Variants in PDHA1 observed in about 807,000 individuals in gnomAD.
PDHA1 encodes the protein pyruvate dehydrogenase E1 subunit alpha 1, also known as pyruvate dehydrogenase E1 component subunit alpha, somatic form, mitochondrial.
A neutral mutation model predicts 33.0 loss-of-function variants in PDHA1; 1 was observed. The ratio of observed to expected loss-of-function variants is 0.03; its 90% CI spans 0.01 to 0.14. PDHA1 has a LOEUF of 0.14. PDHA1 is among the 10% of genes least tolerant of loss of function. The probability of loss-of-function intolerance (pLI) is 1.00; values close to 1 mark genes in which losing one functional copy is unlikely to be tolerated. For synonymous variants in PDHA1, 123 were observed against 119.2 expected, an observed-to-expected ratio of 1.03 and a Z score of -0.21; for missense variants, 168 against 325.1, an observed-to-expected ratio of 0.52 and a Z score of 3.72.
intron 4 of PDHA1, among the ~76,000 whole-genome samples, chrX:19,352,503 T>C (rs927040470): frequency 2.7e-5 from 3 of 112,632 alleles, no homozygotes; most frequent in African/African-American, 9.7e-5. Flanking sequence ...CCCAAAATGT[T>C]AGGATTACAG....
In PDHA1 at chrX:19,359,970, A is replaced by AT. The variant is rs2063258585; in HGVS notation, c.*318dup. 2.0e-5 allele frequency: 6 copies of AT among 305,130 alleles called. No homozygotes were observed. Among genetic ancestry groups the AT allele is most frequent in the African/African-American group, 1.6e-4 (6 of 36,705 alleles). 25.1% of individuals were successfully genotyped at this position (305,130 alleles called of 1,213,427 possible). ...GCCACCTTTTTGGGAGGAGACCATT[A>AT]TGGCGGGGCCCCTCACAGCATTCTA... On this transcript the variant is annotated 3_prime_UTR_variant, in exon 11 of 11. Coordinates refer to ENST00000422285, the MANE Select transcript of PDHA1 (RefSeq NM_000284.4).
intron 10 of PDHA1, 143 bp from the exon 11 acceptor site, chrX:19,359,346 T>A (rs2063240502): frequency 1.9e-6 from 1 of 540,346 alleles, no homozygotes. Flanking sequence ...CCTAGAAATC[T>A]GTATTCCAAA....
At chrX:19,356,897 T>C (rs774830212) in intron 8 of PDHA1, among the ~76,000 whole-genome samples, 1 of 112,090 alleles carries the variant, frequency 8.9e-6, no homozygotes, top group South Asian at 3.7e-4. Context: ...CACCCCAGTG[T>C]TCAGAGCCGT....
In PDHA1 at chrX:19,360,796, GGGAGACCGCACTCCAGAGTCTGCAGA is replaced by G. The variant is rs768004727; in HGVS notation, c.*1151_*1176del. 1.8e-5 allele frequency: 22 copies of G among 1,209,319 alleles called. No homozygotes were observed. In the East Asian group the frequency reaches 6.2e-4, roughly 34 times the overall value. Reference sequence around the variant, plus strand: ...GAGGCCTCCTGAGCCCTTCTGTACTGGGAGACCGCACTCCAGAGTCTGCAGAGGAGACCACCCCTGGGAAACAAACA... The same window carrying G: ...GAGGCCTCCTGAGCCCTTCTGTACTGGGAGACCACCCCTGGGAAACAAACA... On this transcript the variant is annotated 3_prime_UTR_variant, in exon 11 of 11. Transcript: ENST00000422285.
rs766362480 is a variant in PDHA1, at chrX:19,357,727, C to T, written c.899+8C>T. 4 of 1,186,528 alleles carry T rather than the reference C, an allele frequency of 3.4e-6. No individual in the cohort carries two copies. Among genetic ancestry groups the T allele is most frequent in the Non-Finnish European group, 4.6e-6 (4 of 873,704 alleles). ...GAGTGACCCTGGAGTCAGGTACGCT[C>T]ATGGGCAGTGTGGTTTCCATAGGGG... On this transcript the variant is annotated splice_region_variant and intron_variant, in intron 9 of 10. Coordinates refer to ENST00000422285, the MANE Select transcript of PDHA1 (RefSeq NM_000284.4).
intron 1 of PDHA1, among the ~76,000 whole-genome samples, chrX:19,347,390 C>T (rs1248472232): frequency 8.9e-6 from 1 of 112,662 alleles, no homozygotes; most frequent in Non-Finnish European, 1.9e-5. Context: ...GTTCCTTTCA[C>T]TCATATCAGT....
Position 19,360,067 on chromosome X carries a change from A to ACAATATTTATTAT in PDHA1, c.*417_*429dup, listed in dbSNP as rs1243704782. 6.3e-5 allele frequency: 12 copies of ACAATATTTATTAT among 189,914 alleles called. No individual in the cohort carries two copies. Among genetic ancestry groups the ACAATATTTATTAT allele is most frequent in the African/African-American group, 2.4e-4 (8 of 32,848 alleles). The allele number at this position is 189,914 out of a possible 1,213,427, so 15.7% of individuals were successfully genotyped here. A position where few individuals can be genotyped will look rare whatever the true frequency, so the allele number is the denominator to read the frequency against. ...CGCGCTGACCATTTCTCTACAAGAT[A>ACAATATTTATTAT]CAATATTTATTATCAGGCAAGAGGA... On this transcript the variant is annotated 3_prime_UTR_variant, in exon 11 of 11. Transcript: ENST00000422285.
In PDHA1 at chrX:19,360,687, C is replaced by G; in HGVS notation, c.*1034C>G. On this transcript the variant is annotated 3_prime_UTR_variant, in exon 11 of 11. Transcript: ENST00000422285. ...ACAGCGGAATTCGTGTATACACTAA[C>G]AGAAGCTTTAACAAAACATGTAGCG... The G allele has an allele frequency of 3.3e-6, 3 of 897,696 alleles. No individual in the cohort carries two copies. The highest frequency in any genetic ancestry group is 2.0e-5 in the African/African-American group (1 of 51,134). 74.0% of individuals were successfully genotyped at this position (897,696 alleles called of 1,213,427 possible).
rs1235715428 is a variant in PDHA1, at chrX:19,361,715, T to G, written c.*2062T>G. The G allele has an allele frequency of 6.1e-6, 3 of 491,056 alleles. No individual in the cohort carries two copies. The African/African-American group carries it at 7.1e-5, about 12-fold the overall frequency. The allele number at this position is 491,056 out of a possible 1,213,427, so 40.5% of individuals were successfully genotyped here. A position where few individuals can be genotyped will look rare whatever the true frequency, so the allele number is the denominator to read the frequency against. ...ATGTGAAAAAGAGATGAATTAACCC[T>G]GTATCACTGAACCACGCTAATACGT... is the stretch of plus-strand genomic sequence containing the variant. On this transcript the variant is annotated 3_prime_UTR_variant, in exon 11 of 11. Coordinates refer to ENST00000422285, the MANE Select transcript of PDHA1 (RefSeq NM_000284.4).
At chrX:19,355,892 C>G in intron 8 of PDHA1, 135 bp downstream of exon 8, 2 of 535,012 alleles carry the variant, frequency 3.7e-6, no homozygotes, top group Admixed American at 2.7e-5. Context: ...GTGAAGGGAG[C>G]AGGGCTCCTT....
At chrX:19,346,429 CCTTAGCCTCCTGA>C (rs1180545325) in intron 1 of PDHA1, 4 of 346,885 alleles carry the variant, frequency 1.2e-5, no homozygotes, top group Non-Finnish European at 2.0e-5. Flanking sequence ...GATCCTCCTG[CCTTAGCCTCCTGA>C]GTAGCTGGGA....
Position 19,359,686 on chromosome X carries a change from G to A in PDHA1, c.*33G>A, listed in dbSNP as rs1314619892. 8.7e-7 allele frequency: 1 copy of A among 1,150,219 alleles called. No individual in the cohort carries two copies. The highest frequency in any genetic ancestry group is 1.2e-6 in the Non-Finnish European group (1 of 839,917). 94.8% of individuals were successfully genotyped at this position (1,150,219 alleles called of 1,213,427 possible). On this transcript the variant is annotated 3_prime_UTR_variant, in exon 11 of 11. Coordinates refer to ENST00000422285, the MANE Select transcript of PDHA1 (RefSeq NM_000284.4). The stretch of plus-strand genomic sequence containing the variant: ...AGAAGGAGAGGTTATACCTTCAGGG[G>A]GCTACCAGACAGTGTTCTCAACTTG...
At chrX:19,347,598 T>C (rs1047108146) in intron 1 of PDHA1, among the ~76,000 whole-genome samples, 9 of 112,690 alleles carry the variant, frequency 8.0e-5, no homozygotes, top group African/African-American at 2.9e-4. Flanking sequence ...ACCTTTTCTC[T>C]GTTACTGTCG....
chrX:19,353,590 T>A (rs954720634), intron 5 of PDHA1, among the ~76,000 whole-genome samples: 2 of 111,664 alleles, frequency 1.8e-5, no homozygotes, highest in South Asian at 7.5e-4. Context: ...TGAGAATATA[T>A]CCCTGTTGTT....
At position 19,359,969 on chromosome X, in the gene PDHA1, TATGGCGGGGCCC is replaced by T; in HGVS notation, c.*317_*328del. The T allele has an allele frequency of 3.2e-6, 1 of 308,535 alleles. No homozygotes were observed. Among genetic ancestry groups the T allele is most frequent in the Non-Finnish European group, 5.9e-6 (1 of 170,049 alleles). 25.4% of individuals were successfully genotyped at this position (308,535 alleles called of 1,213,427 possible). A position where few individuals can be genotyped will look rare whatever the true frequency, so the allele number is the denominator to read the frequency against. Reference sequence around the variant, plus strand: ...AGCCACCTTTTTGGGAGGAGACCATTATGGCGGGGCCCCTCACAGCATTCTACCAACCATAGC... The same window carrying T: ...AGCCACCTTTTTGGGAGGAGACCATTCTCACAGCATTCTACCAACCATAGC... On this transcript the variant is annotated 3_prime_UTR_variant, in exon 11 of 11. Transcript: ENST00000422285.
chrX:19,353,233 A>C (rs1238593217), intron 5 of PDHA1, 60 bp downstream of exon 5: 1 of 913,013 alleles, frequency 1.1e-6, no homozygotes. Context: ...TGTCTTCAAA[A>C]ACTTTCACAG....
Position 19,359,019 on chromosome X carries a change from C to T in PDHA1, c.1003C>T (p.Leu335=), listed in dbSNP as rs1602231693. ...CAGCAATCTTGCCAGTGTGGAAGAA[C>T]TAAAGGTACAGTCACTTGTTCATGG... ...VNSNLASVEE[L]KEIDVEVRKE... Residue 335 remains leucine, a synonymous_variant, in exon 10 of 11, where the codon CTA becomes TTA. Coordinates refer to ENST00000422285, the MANE Select transcript of PDHA1 (RefSeq NM_000284.4). The T allele has an allele frequency of 8.8e-7, 1 of 1,134,366 alleles. No individual in the cohort carries two copies. Among genetic ancestry groups the T allele is most frequent in the Admixed American group, 2.2e-5 (1 of 45,934 alleles). The allele number at this position is 1,134,366 out of a possible 1,213,427, so 93.5% of individuals were successfully genotyped here.
intron 1 of PDHA1, 87 bp from the exon 2 acceptor site, chrX:19,349,225 C>A (rs1448077208): frequency 9.3e-6 from 6 of 645,637 alleles, no homozygotes; most frequent in Non-Finnish European, 1.5e-5. Flanking sequence ...ATTTCCATAA[C>A]TTCATTCTGA....
intron 4 of PDHA1, among the ~76,000 whole-genome samples, chrX:19,352,338 A>G (rs1343986314): frequency 9.4e-6 from 1 of 106,933 alleles, no homozygotes; most frequent in Non-Finnish European, 1.9e-5. Context: ...GGGTTCAAGC[A>G]ATTCTCCTGC....
Sources: allele counts gnomAD v4.1 joint callset (sites outside exome capture counted in the v4.1 genomes callset), GRCh38; gene constraint gnomAD v4.1.1; transcripts MANE v1.5; gene names NCBI Gene and HGNC (gene_info 2026-07-23, HGNC 2026-07-21).